Variants in SLC1A2 observed in about 807,000 individuals in gnomAD.
The protein encoded by SLC1A2 is solute carrier family 1 member 2, also known as excitatory amino acid transporter 2.
Under a neutral mutation model 48.8 loss-of-function variants are expected in SLC1A2, and 15 were observed. The observed-to-expected ratio is 0.31, with a 90% CI of 0.21 to 0.47. SLC1A2 has a LOEUF of 0.47. Ranked by LOEUF, SLC1A2 falls within the 20% of genes least tolerant of loss-of-function variation. SLC1A2 has a pLI of 0.99. For synonymous variants in SLC1A2, 279 were observed against 272.6 expected (o/e 1.02, Z -0.23); for missense variants, 502 against 730.5 (o/e 0.69, Z 3.61).
chr11:35,312,018 C>A, intron 4 of SLC1A2, 180 bp downstream of exon 4: 2 of 495,536 alleles, frequency 4.0e-6, no homozygotes, highest in Non-Finnish European at 7.0e-6. Flanking sequence ...AAATTAAAAC[C>A]AGGAGACTCC....
intron 1 of SLC1A2, among the ~76,000 whole-genome samples, chr11:35,378,781 A>T (rs561048665): frequency 6.6e-6 from 1 of 152,354 alleles, no homozygotes; most frequent in South Asian, 2.1e-4. Flanking sequence ...CTCTATGAAT[A>T]GTTGTCTATA....
intron 1 of SLC1A2, among the ~76,000 whole-genome samples, chr11:35,354,949 A>C (rs747820561): frequency 5.3e-5 from 8 of 152,210 alleles, no homozygotes; most frequent in African/African-American, 7.2e-5. Flanking sequence ...CCATATTTTA[A>C]GTTTTCTGAA....
intron 1 of SLC1A2, among the ~76,000 whole-genome samples, chr11:35,393,981 G>A (rs1238787620): frequency 1.3e-5 from 2 of 152,060 alleles, no homozygotes; most frequent in Non-Finnish European, 2.9e-5. Context: ...AACCATGATG[G>A]AGCATTCTCC....
rs111390417 is a variant in SLC1A2 at position 35,260,578 on chromosome 11, C to T, written c.*316G>A. On this transcript the variant is annotated 3_prime_UTR_variant, in exon 11 of 11. Coordinates refer to ENST00000278379, the MANE Select transcript of SLC1A2 (RefSeq NM_004171.4). ...TCATGTCCCCTGGGAAAAGAGCATC[C>T]ACATTTCTGCATCTTGGGAGAAAAG... 0.018 allele frequency: 6,095 copies of T among 335,920 alleles called. 311 individuals are homozygous for T. The highest frequency in any genetic ancestry group is 0.12 in the African/African-American group (5,490 of 46,862). The allele number at this position is 335,920 out of a possible 1,614,324, so 20.8% of individuals were successfully genotyped here.
At chr11:35,412,434 G>A (rs1437790677) in intron 1 of SLC1A2, among the ~76,000 whole-genome samples, 1 of 152,164 alleles carries the variant, frequency 6.6e-6, no homozygotes, top group Admixed American at 6.5e-5. Context: ...ATGGGAATTG[G>A]GATTCCCTAA....
At chr11:35,295,949 C>T (rs1227329490) in intron 6 of SLC1A2, among the ~76,000 whole-genome samples, 1 of 152,196 alleles carries the variant, frequency 6.6e-6, no homozygotes, top group Non-Finnish European at 1.5e-5. Flanking sequence ...ATTCCCTGGG[C>T]TTACCACATA....
chr11:35,357,855 A>C (rs542478799), intron 1 of SLC1A2, among the ~76,000 whole-genome samples: 3 of 152,244 alleles, frequency 2.0e-5, no homozygotes, highest in Admixed American at 2.0e-4. Flanking sequence ...CTTTAAAAAA[A>C]GGGGGGAAAG....
intron 1 of SLC1A2, among the ~76,000 whole-genome samples, chr11:35,411,873 C>T (rs1022910217): frequency 2.0e-5 from 3 of 152,090 alleles, no homozygotes; most frequent in African/African-American, 7.2e-5. Flanking sequence ...GGCACATCTC[C>T]ACTCAAAGAA....
At chr11:35,364,641 T>C (rs1853783339) in intron 1 of SLC1A2, among the ~76,000 whole-genome samples, 1 of 152,222 alleles carries the variant, frequency 6.6e-6, no homozygotes, top group South Asian at 2.1e-4. Context: ...TGATCAGATT[T>C]CCCTGAGCCT....
chr11:35,333,160 C>A (rs1852484624), intron 1 of SLC1A2, among the ~76,000 whole-genome samples: 2 of 152,134 alleles, frequency 1.3e-5, no homozygotes, highest in South Asian at 4.1e-4. Flanking sequence ...CACCTGTAAT[C>A]CCAGCAATTT....
chr11:35,418,869 T>C, intron 1 of SLC1A2, 81 bp downstream of exon 1: 2 of 1,333,114 alleles, frequency 1.5e-6, no homozygotes, highest in Non-Finnish European at 2.1e-6. Context: ...CCGCCGCCTC[T>C]CTATCCGCAT....
intron 1 of SLC1A2, among the ~76,000 whole-genome samples, chr11:35,409,031 T>C (rs1292262606): frequency 1.3e-5 from 2 of 152,202 alleles, no homozygotes; most frequent in African/African-American, 2.4e-5. Flanking sequence ...ACAAACACAA[T>C]GATAATCAAT....
At chr11:35,376,985 A>C (rs1854258573) in intron 1 of SLC1A2, among the ~76,000 whole-genome samples, 1 of 152,194 alleles carries the variant, frequency 6.6e-6, no homozygotes. Context: ...TGGTACTATA[A>C]CCACTGAGGA....
intron 1 of SLC1A2, among the ~76,000 whole-genome samples, chr11:35,407,768 T>C (rs2093377): frequency 0.69 from 104,783 of 152,070 alleles, 36,661 homozygotes; most frequent in African/African-American, 0.81. Context: ...CTTGACTCCC[T>C]TCCTTACTTC....
intron 1 of SLC1A2, among the ~76,000 whole-genome samples, chr11:35,351,486 G>A (rs1432296466): frequency 6.6e-6 from 1 of 152,112 alleles, no homozygotes; most frequent in Non-Finnish European, 1.5e-5. Context: ...GCCCTAAGGA[G>A]GTTTATAAGC....
At chr11:35,336,942 A>T (rs546072316) in intron 1 of SLC1A2, among the ~76,000 whole-genome samples, 3 of 152,332 alleles carry the variant, frequency 2.0e-5, no homozygotes, top group African/African-American at 7.2e-5. Context: ...AGGTCTCTGT[A>T]GTACTTGGGA....
chr11:35,380,734 G>C (rs941634889), intron 1 of SLC1A2, among the ~76,000 whole-genome samples: 1 of 152,238 alleles, frequency 6.6e-6, no homozygotes, highest in Non-Finnish European at 1.5e-5. Flanking sequence ...GCAGTTTAAA[G>C]AGGGGAGTGT....
At chr11:35,345,293 T>C (rs1380540458) in intron 1 of SLC1A2, among the ~76,000 whole-genome samples, 1 of 152,124 alleles carries the variant, frequency 6.6e-6, no homozygotes, top group Non-Finnish European at 1.5e-5. Context: ...GCTCCTGCTT[T>C]TGCAAACCCA....
Position 35,303,997 on chromosome 11 carries a change from T to G in SLC1A2, c.730+2077A>C, listed in dbSNP as rs531305137. The stretch of plus-strand genomic sequence containing the variant: ...CCATGATTTGTAAATGGGAAGTTTC[T>G]CAACAGTCTAACTTCCCTTGGCTTT... On this transcript the variant is annotated intron_variant, in intron 5 of 10. Coordinates refer to ENST00000278379, the MANE Select transcript of SLC1A2 (RefSeq NM_004171.4). 6.6e-5 allele frequency among the ~76,000 whole-genome samples: 10 copies of G among 152,288 alleles called. No homozygotes were observed. In the South Asian group the frequency reaches 1.9e-3, roughly 28 times the overall value.
Sources: allele counts gnomAD v4.1 joint callset (sites outside exome capture counted in the v4.1 genomes callset), GRCh38; gene constraint gnomAD v4.1.1; transcripts MANE v1.5; gene names NCBI Gene and HGNC (gene_info 2026-07-23, HGNC 2026-07-21).